The following SLC2A13 variants were observed in gnomAD, a reference collection of about 807,000 sequenced individuals.
SLC2A13 encodes the protein solute carrier family 2 member 13, also known as proton myo-inositol cotransporter.
SLC2A13 carries 32 observed loss-of-function variants against 64.4 expected under a neutral mutation model. That is an observed-to-expected ratio of 0.50 (90% CI 0.37 to 0.67). The LOEUF (loss-of-function observed/expected upper bound fraction) is 0.67, where lower values mean the gene tolerates loss of function less well. Among genes scored for constraint, SLC2A13 ranks in the 30% least tolerant of loss-of-function variants. The probability of loss-of-function intolerance (pLI) is 0.00; values close to 1 mark genes in which losing one functional copy is unlikely to be tolerated. For missense variants in SLC2A13, 743 were observed against 829.2 expected (o/e 0.90, Z 1.28); for synonymous variants, 338 against 327.1 (o/e 1.03, Z -0.36).
chr12:39,898,850 GATATTTAGC>G (rs984225013), intron 4 of SLC2A13, among the ~76,000 whole-genome samples: 10 of 152,118 alleles, frequency 6.6e-5, no homozygotes, highest in African/African-American at 2.4e-4. Context: ...GTTTAAATAG[GATATTTAGC>G]ATGTTCTTCA....
Position 39,864,779 on chromosome 12 carries a change from G to A in SLC2A13, c.1302C>T (p.Ala434=). The change falls in exon 6 of 10, where the codon GCC becomes GCT. Residue 434 remains alanine (A), a synonymous_variant. Coordinates refer to ENST00000280871, the MANE Select transcript of SLC2A13 (RefSeq NM_052885.4). The part of the protein sequence containing the change: ...FKPIAPSGQN[A]TCTRYSYCNE... ...AATCTCACCTGTATCTTGTGCAAGTGGCGTTCTGACCTGACGGAGCTATTG... is the reference window on the plus strand; with the variant it reads ...AATCTCACCTGTATCTTGTGCAAGTAGCGTTCTGACCTGACGGAGCTATTG... 6.2e-7 allele frequency: 1 copy of A among 1,613,974 alleles called. No homozygotes were observed. The highest frequency in any genetic ancestry group is 8.5e-7 in the Non-Finnish European group (1 of 1,179,924).
chr12:40,026,941 A>G (rs1298898046), intron 3 of SLC2A13, among the ~76,000 whole-genome samples: 1 of 152,166 alleles, frequency 6.6e-6, no homozygotes, highest in African/African-American at 2.4e-5. Flanking sequence ...TCAGCCAGGC[A>G]TGATGGCCCA....
At position 39,821,985 on chromosome 12, in the gene SLC2A13, T is replaced by C. The variant is rs201531116; in HGVS notation, c.1445+8118A>G. On this transcript the variant is annotated intron_variant, in intron 7 of 9. Coordinates refer to ENST00000280871, the MANE Select transcript of SLC2A13 (RefSeq NM_052885.4). ...GCACAATGTGCAGGTTAGTTACATATGTATACATGTGACATGCTGGTGCGC... is the reference window on the plus strand; with the variant it reads ...GCACAATGTGCAGGTTAGTTACATACGTATACATGTGACATGCTGGTGCGC... Among the ~76,000 whole-genome samples, 21 of 152,162 alleles carry C rather than the reference T, an allele frequency of 1.4e-4. No homozygotes were observed. The East Asian group carries it at 3.9e-3, about 28-fold the overall frequency.
intron 2 of SLC2A13, among the ~76,000 whole-genome samples, chr12:40,036,631 A>C (rs1947989860): frequency 6.6e-6 from 1 of 152,174 alleles, no homozygotes; most frequent in Non-Finnish European, 1.5e-5. Flanking sequence ...TGTTCCTTCT[A>C]TGTCACTGAT....
intron 4 of SLC2A13, among the ~76,000 whole-genome samples, chr12:39,882,152 A>T (rs1944354100): frequency 6.6e-6 from 1 of 152,034 alleles, no homozygotes; most frequent in Non-Finnish European, 1.5e-5. Context: ...CCACAATAAT[A>T]CTTACTATGT....
chr12:39,983,118 T>C (rs1487049587), intron 3 of SLC2A13, among the ~76,000 whole-genome samples: 4 of 151,794 alleles, frequency 2.6e-5, no homozygotes, highest in African/African-American at 9.7e-5. Flanking sequence ...GAAAACTGGC[T>C]AGCCATATGT....
At chr12:39,909,108 GGATA>G (rs141927718) in intron 4 of SLC2A13, among the ~76,000 whole-genome samples, 2,236 of 152,048 alleles carry the variant, frequency 0.015, 82 homozygotes, top group African/African-American at 0.049. Context: ...GAAACCTCCA[GGATA>G]GAGATTAATA....
intron 3 of SLC2A13, among the ~76,000 whole-genome samples, chr12:39,984,749 A>T (rs1240630177): frequency 6.6e-6 from 1 of 152,212 alleles, no homozygotes; most frequent in Non-Finnish European, 1.5e-5. Flanking sequence ...GTCCGTCTTG[A>T]TGAAAAATGG....
intron 1 of SLC2A13, among the ~76,000 whole-genome samples, chr12:40,099,628 G>A (rs1032871305): frequency 1.3e-5 from 2 of 152,170 alleles, no homozygotes; most frequent in African/African-American, 4.8e-5. Context: ...ACAGACTTAC[G>A]TTATCTTACT....
chr12:39,826,058 G>T (rs1412946032), intron 7 of SLC2A13, among the ~76,000 whole-genome samples: 1 of 152,030 alleles, frequency 6.6e-6, no homozygotes, highest in African/African-American at 2.4e-5. Flanking sequence ...GGATGATACT[G>T]ATTATTTGGA....
At chr12:39,999,045 G>A (rs2136178930) in intron 3 of SLC2A13, among the ~76,000 whole-genome samples, 1 of 152,226 alleles carries the variant, frequency 6.6e-6, no homozygotes, top group South Asian at 2.1e-4. Flanking sequence ...AGATTTCATG[G>A]ACACTTACCA....
chr12:40,021,556 T>C (rs1190570991), intron 3 of SLC2A13, among the ~76,000 whole-genome samples: 1 of 152,226 alleles, frequency 6.6e-6, no homozygotes, highest in African/African-American at 2.4e-5. Context: ...ACCAGCCTAA[T>C]ACTTTGACAA....
At chr12:39,924,007 A>G (rs1008170959) in intron 4 of SLC2A13, among the ~76,000 whole-genome samples, 2 of 152,052 alleles carry the variant, frequency 1.3e-5, no homozygotes, top group Non-Finnish European at 2.9e-5. Flanking sequence ...TATACTTAAA[A>G]CTCCAAAATT....
At chr12:40,002,516 T>C (rs997639013) in intron 3 of SLC2A13, among the ~76,000 whole-genome samples, 8 of 152,200 alleles carry the variant, frequency 5.3e-5, no homozygotes, top group African/African-American at 1.9e-4. Flanking sequence ...ATATGCACTA[T>C]TAAACATGAA....
intron 3 of SLC2A13, among the ~76,000 whole-genome samples, chr12:40,004,087 G>A (rs74375999): frequency 0.023 from 3,504 of 152,190 alleles, 146 homozygotes; most frequent in African/African-American, 0.08. Context: ...ACAACTATTT[G>A]CATAACATTT....
At chr12:39,873,281 G>A (rs1204434475) in intron 4 of SLC2A13, among the ~76,000 whole-genome samples, 1 of 152,174 alleles carries the variant, frequency 6.6e-6, no homozygotes, top group African/African-American at 2.4e-5. Flanking sequence ...GAAATTCCCA[G>A]TGGAATTACT....
chr12:39,944,664 C>G (rs999289536), intron 4 of SLC2A13, among the ~76,000 whole-genome samples: 1 of 152,208 alleles, frequency 6.6e-6, no homozygotes, highest in Non-Finnish European at 1.5e-5. Flanking sequence ...ATAGCTACCC[C>G]CTGCTTGCTT....
At chr12:40,096,877 C>T (rs939603098) in intron 1 of SLC2A13, among the ~76,000 whole-genome samples, 4 of 152,110 alleles carry the variant, frequency 2.6e-5, no homozygotes, top group East Asian at 1.9e-4. Flanking sequence ...ATTGCTAGCA[C>T]ATTAAATACT....
chr12:39,939,471 C>T (rs1012924957), intron 4 of SLC2A13, among the ~76,000 whole-genome samples: 3 of 152,262 alleles, frequency 2.0e-5, no homozygotes, highest in East Asian at 1.9e-4. Flanking sequence ...CCTTATAAAC[C>T]GTGTGCACAT....
Sources: allele counts gnomAD v4.1 joint callset (sites outside exome capture counted in the v4.1 genomes callset), GRCh38; gene constraint gnomAD v4.1.1; transcripts MANE v1.5; gene names NCBI Gene and HGNC (gene_info 2026-07-23, HGNC 2026-07-21).